DCC: variants seen among roughly 807,000 people sequenced by gnomAD.
DCC encodes the protein DCC netrin 1 receptor.
In DCC, 58 loss-of-function variants were observed where a neutral mutation model predicts 172.5. The observed-to-expected ratio is 0.34, with a 90% CI of 0.27 to 0.42. The LOEUF (loss-of-function observed/expected upper bound fraction) is 0.42, where lower values mean the gene tolerates loss of function less well. Among genes scored for constraint, DCC ranks in the 10% least tolerant of loss-of-function variants. The pLI, the probability that DCC is intolerant of heterozygous loss-of-function variation, is 1.00. For synonymous variants in DCC, 709 were observed against 644.5 expected (o/e 1.10, Z -1.52); for missense variants, 1,740 against 1,791.0 (o/e 0.97, Z 0.51).
intron 14 of DCC, among the ~76,000 whole-genome samples, chr18:53,332,449 A>G (rs1317043713): frequency 6.6e-6 from 1 of 152,214 alleles, no homozygotes; most frequent in Non-Finnish European, 1.5e-5. Context: ...AGCTAAGAGT[A>G]CAAACTATAT....
chr18:53,363,319 G>T (rs1000905939), intron 15 of DCC, among the ~76,000 whole-genome samples: 5 of 152,122 alleles, frequency 3.3e-5, no homozygotes, highest in African/African-American at 1.2e-4. Context: ...TTTAGCATCT[G>T]AAAAATTCTT....
At chr18:52,356,457 C>T (rs543526694) in intron 1 of DCC, among the ~76,000 whole-genome samples, 188 of 152,214 alleles carry the variant, frequency 1.2e-3, no homozygotes, top group African/African-American at 3.9e-3. Flanking sequence ...GTACATTTTG[C>T]GGCCAAAGGG....
intron 5 of DCC, among the ~76,000 whole-genome samples, chr18:52,992,937 C>T (rs1033212442): frequency 1.3e-5 from 2 of 151,108 alleles, no homozygotes; most frequent in African/African-American, 4.9e-5. Flanking sequence ...CAAGATCACA[C>T]CACTGCACTA....
chr18:52,532,265 G>T (rs920268510), intron 1 of DCC, among the ~76,000 whole-genome samples: 1 of 152,124 alleles, frequency 6.6e-6, no homozygotes, highest in Admixed American at 6.5e-5. Flanking sequence ...TATACATTTT[G>T]CATGTGATTA....
chr18:52,708,167 C>T (rs2036239638), intron 1 of DCC, among the ~76,000 whole-genome samples: 1 of 152,082 alleles, frequency 6.6e-6, no homozygotes, highest in Non-Finnish European at 1.5e-5. Flanking sequence ...TTTGGCTGGG[C>T]ACAGTGGCTC....
intron 12 of DCC, among the ~76,000 whole-genome samples, chr18:53,222,915 A>G (rs989539300): frequency 3.9e-5 from 6 of 152,154 alleles, no homozygotes; most frequent in African/African-American, 1.4e-4. Context: ...TACTCCATAA[A>G]TTGAAGAACC....
At chr18:52,647,990 A>T (rs967366280) in intron 1 of DCC, among the ~76,000 whole-genome samples, 1 of 152,234 alleles carries the variant, frequency 6.6e-6, no homozygotes, top group Non-Finnish European at 1.5e-5. Flanking sequence ...ATTCTAAAAA[A>T]ATGTTTATGG....
At chr18:53,474,268 A>G (rs1386051971) in intron 25 of DCC, among the ~76,000 whole-genome samples, 2 of 152,202 alleles carry the variant, frequency 1.3e-5, no homozygotes, top group East Asian at 1.9e-4. Flanking sequence ...GTGGAGTACA[A>G]TGCAGCAATA....
chr18:53,209,025 C>A (rs1030765290), intron 11 of DCC, among the ~76,000 whole-genome samples: 2 of 152,180 alleles, frequency 1.3e-5, no homozygotes, highest in African/African-American at 4.8e-5. Context: ...GCCACTGCAC[C>A]CAGCCTCAAG....
intron 7 of DCC, among the ~76,000 whole-genome samples, chr18:53,136,570 T>C (rs1351667301): frequency 6.6e-6 from 1 of 152,124 alleles, no homozygotes; most frequent in Non-Finnish European, 1.5e-5. Flanking sequence ...GACAACTGAA[T>C]ATATAGTAAC....
chr18:53,286,817 C>A (rs1287685594), intron 12 of DCC, among the ~76,000 whole-genome samples: 1 of 152,146 alleles, frequency 6.6e-6, no homozygotes, highest in Non-Finnish European at 1.5e-5. Context: ...GCAAGACTCA[C>A]AAATGTAGGG....
chr18:52,824,099 G>T (rs1426419137), intron 2 of DCC, among the ~76,000 whole-genome samples: 1 of 152,142 alleles, frequency 6.6e-6, no homozygotes, highest in Non-Finnish European at 1.5e-5. Context: ...CATTTAAAAA[G>T]ACCTCCCTGG....
intron 1 of DCC, among the ~76,000 whole-genome samples, chr18:52,437,793 A>G (rs1317226320): frequency 6.6e-6 from 1 of 152,200 alleles, no homozygotes; most frequent in Admixed American, 6.5e-5. Context: ...AACAGGAACC[A>G]CTGTCCACCT....
intron 1 of DCC, among the ~76,000 whole-genome samples, chr18:52,478,999 G>T (rs774848087): frequency 3.9e-5 from 6 of 152,124 alleles, no homozygotes; most frequent in Non-Finnish European, 8.8e-5. Flanking sequence ...GAAACTTGTT[G>T]CTTCTGGCAT....
At chr18:53,263,138 G>A (rs1196065179) in intron 12 of DCC, among the ~76,000 whole-genome samples, 1 of 152,076 alleles carries the variant, frequency 6.6e-6, no homozygotes, top group Admixed American at 6.6e-5. Context: ...TATGCAGAGT[G>A]AATAATTTTG....
At chr18:53,383,885 C>G (rs1466482695) in intron 15 of DCC, among the ~76,000 whole-genome samples, 1 of 151,902 alleles carries the variant, frequency 6.6e-6, no homozygotes, top group Non-Finnish European at 1.5e-5. Flanking sequence ...TTGCTTTATT[C>G]CATATTACAT....
intron 5 of DCC, among the ~76,000 whole-genome samples, chr18:52,957,898 G>A (rs958600444): frequency 6.6e-6 from 1 of 152,146 alleles, no homozygotes; most frequent in Non-Finnish European, 1.5e-5. Context: ...TTATTATCAA[G>A]GAAGTAATAT....
chr18:52,387,564 T>C (rs931339707), intron 1 of DCC, among the ~76,000 whole-genome samples: 1 of 151,430 alleles, frequency 6.6e-6, no homozygotes, highest in African/African-American at 2.4e-5. Flanking sequence ...CCAGGCTGTT[T>C]TGTTTTGTTT....
At chr18:52,791,100 A>G (rs1352966023) in intron 2 of DCC, among the ~76,000 whole-genome samples, 2 of 152,120 alleles carry the variant, frequency 1.3e-5, no homozygotes, top group Non-Finnish European at 2.9e-5. Context: ...TGGGGAATGA[A>G]AGGGCCAGGA....
Sources: allele counts gnomAD v4.1 joint callset (sites outside exome capture counted in the v4.1 genomes callset), GRCh38; gene constraint gnomAD v4.1.1; transcripts MANE v1.5; gene names NCBI Gene and HGNC (gene_info 2026-07-23, HGNC 2026-07-21).